Variants in CDKN2B-AS1 observed in about 807,000 individuals in gnomAD.
The protein encoded by CDKN2B-AS1 is CDKN2B and CDKN2A antisense cis and trans regulatory RNA 1.
chr9:22,106,014 G>A (rs1313607688), intron 4 of CDKN2B-AS1, among the ~76,000 whole-genome samples: 1 of 152,128 alleles, frequency 6.6e-6, no homozygotes, highest in Non-Finnish European at 1.5e-5. Flanking sequence ...GGATACAAGC[G>A]ATTCTCATGC....
At chr9:22,107,998 C>A (rs1825704259) in intron 4 of CDKN2B-AS1, among the ~76,000 whole-genome samples, 1 of 152,190 alleles carries the variant, frequency 6.6e-6, no homozygotes, top group Non-Finnish European at 1.5e-5. Context: ...ACCCAACATA[C>A]AACCCCAAAT....
chr9:22,070,195 A>T (rs559920989), intron 4 of CDKN2B-AS1, among the ~76,000 whole-genome samples: 1 of 152,162 alleles, frequency 6.6e-6, no homozygotes, highest in African/African-American at 2.4e-5. Flanking sequence ...TGTGTTTTAG[A>T]TGACAGAACA....
intron 4 of CDKN2B-AS1, among the ~76,000 whole-genome samples, chr9:22,086,982 G>T (rs1002974738): frequency 6.6e-6 from 1 of 152,146 alleles, no homozygotes; most frequent in East Asian, 1.9e-4. Context: ...AATTGCCTAC[G>T]CAGGGAAGTT....
intron 4 of CDKN2B-AS1, among the ~76,000 whole-genome samples, chr9:22,075,073 T>C (rs1824442335): frequency 6.6e-6 from 1 of 152,268 alleles, no homozygotes; most frequent in Middle Eastern, 3.2e-3. Flanking sequence ...CTTCTTTAAA[T>C]ACATTTACTT....
intron 1 of CDKN2B-AS1, among the ~76,000 whole-genome samples, chr9:22,025,176 C>A (rs1822180182): frequency 6.6e-6 from 1 of 152,148 alleles, no homozygotes; most frequent in African/African-American, 2.4e-5. Context: ...AGATGTGGGT[C>A]AGCAATCATT....
At chr9:22,049,008 A>G (rs947425934) in intron 2 of CDKN2B-AS1, 1 of 152,196 alleles carries the variant, frequency 6.6e-6, no homozygotes, top group Non-Finnish European at 1.5e-5. Context: ...ACCTATTAGT[A>G]TCAATCTTAA....
chr9:22,020,786 A>G (rs909151283), intron 1 of CDKN2B-AS1, among the ~76,000 whole-genome samples: 43 of 152,302 alleles, frequency 2.8e-4, no homozygotes, highest in Middle Eastern at 3.4e-3. Context: ...GACCTTTGTC[A>G]GATGCATAGT....
chr9:22,041,092 T>C (rs753424598), intron 1 of CDKN2B-AS1, among the ~76,000 whole-genome samples: 1 of 151,866 alleles, frequency 6.6e-6, no homozygotes, highest in Non-Finnish European at 1.5e-5. Flanking sequence ...AAAATTTCCA[T>C]GAAAACAGAA....
chr9:22,005,386 C>T lies in CDKN2B-AS1; in HGVS notation n.29+10225C>T. On this transcript the variant is annotated intron_variant and non_coding_transcript_variant, in intron 1 of 4. Coordinates refer to ENST00000650946, the Ensembl canonical transcript of CDKN2B-AS1. The surrounding 1 kb of genome is among the most constrained non-coding windows in gnomAD (Gnocchi z 4.9). Reference sequence around the variant, plus strand: ...GTTGGGCGAGGGTCTCCAGGGCTTCCAGAGAGTGTCGTTTACGCATGTGAC... The same window carrying T: ...GTTGGGCGAGGGTCTCCAGGGCTTCTAGAGAGTGTCGTTTACGCATGTGAC... The T allele has an allele frequency of 8.2e-6, 2 of 245,180 alleles. No individual in the cohort carries two copies. The highest frequency in any genetic ancestry group is 1.6e-5 in the Non-Finnish European group (2 of 125,148). 15.2% of individuals were successfully genotyped at this position (245,180 alleles called of 1,614,324 possible).
intron 1 of CDKN2B-AS1, among the ~76,000 whole-genome samples, chr9:22,043,470 C>G (rs1293539387): frequency 6.6e-6 from 1 of 151,872 alleles, no homozygotes; most frequent in East Asian, 1.9e-4. Flanking sequence ...ATCCAGTGTT[C>G]AGTTCTTGGG....
chr9:22,048,284 G>A (rs1209561929), intron 2 of CDKN2B-AS1, among the ~76,000 whole-genome samples: 1 of 152,006 alleles, frequency 6.6e-6, no homozygotes, highest in East Asian at 1.9e-4. Context: ...TCTCAGCTGG[G>A]GCAGGCTCTG....
At chr9:22,087,976 T>A (rs1385634700) in intron 4 of CDKN2B-AS1, among the ~76,000 whole-genome samples, 2 of 152,174 alleles carry the variant, frequency 1.3e-5, no homozygotes, top group Admixed American at 6.6e-5. Flanking sequence ...TAGGGAGTGT[T>A]ATAGAAGTGG....
intron 1 of CDKN2B-AS1, chr9:22,008,818 A>C (rs770648244): frequency 8.7e-6 from 14 of 1,606,654 alleles, no homozygotes; most frequent in Non-Finnish European, 8.5e-7. Context: ...CGCCTCCCGA[A>C]ACGGTTGACT....
intron 1 of CDKN2B-AS1, chr9:22,030,254 C>T (rs780488956): frequency 6.6e-6 from 1 of 152,162 alleles, no homozygotes; most frequent in African/African-American, 2.4e-5. Context: ...GTAGAATTAT[C>T]ATTGGCGTGG....
At chr9:22,055,820 C>T (rs577115436) in intron 3 of CDKN2B-AS1, among the ~76,000 whole-genome samples, 1 of 152,106 alleles carries the variant, frequency 6.6e-6, no homozygotes, top group Non-Finnish European at 1.5e-5. Context: ...CTACTGCATA[C>T]CAGACACTCG....
chr9:22,123,002 A>T (rs183499651), intron 4 of CDKN2B-AS1, among the ~76,000 whole-genome samples: 218 of 152,108 alleles, frequency 1.4e-3, no homozygotes, highest in Middle Eastern at 6.8e-3. Context: ...ATATCTTTCC[A>T]TTTGTTTATG....
intron 2 of CDKN2B-AS1, among the ~76,000 whole-genome samples, chr9:22,048,459 G>A (rs913386535): frequency 2.0e-5 from 3 of 152,072 alleles, no homozygotes; most frequent in Admixed American, 1.3e-4. Flanking sequence ...CTGTTCATGG[G>A]GTTAGTCTGG....
At chr9:22,091,641 T>C (rs1487050529) in intron 4 of CDKN2B-AS1, among the ~76,000 whole-genome samples, 5 of 152,184 alleles carry the variant, frequency 3.3e-5, no homozygotes, top group Non-Finnish European at 7.3e-5. Flanking sequence ...TATTGGTGTA[T>C]AAGAATGCTT....
intron 4 of CDKN2B-AS1, chr9:22,119,626 T>C (rs1826047521): frequency 6.6e-6 from 1 of 152,264 alleles, no homozygotes; most frequent in Non-Finnish European, 1.5e-5. Flanking sequence ...TTATCATTGC[T>C]CAATAGCTGT....
Sources: allele counts gnomAD v4.1 joint callset (sites outside exome capture counted in the v4.1 genomes callset), GRCh38; gene constraint gnomAD v4.1.1; non-coding constraint Gnocchi (gnomAD v3.1); transcripts MANE v1.5; gene names NCBI Gene and HGNC (gene_info 2026-07-23, HGNC 2026-07-21).